NEGR1: variants seen among roughly 807,000 people sequenced by gnomAD.
NEGR1 encodes neuronal growth regulator 1.
NEGR1 carries 10 observed loss-of-function variants against 40.9 expected under a neutral mutation model. The observed-to-expected ratio is 0.24, with a 90% CI of 0.15 to 0.42. The LOEUF (loss-of-function observed/expected upper bound fraction) is 0.42. Among genes scored for constraint, NEGR1 ranks in the 10% least tolerant of loss-of-function variants. The probability of loss-of-function intolerance (pLI) is 1.00; values close to 1 mark genes in which losing one functional copy is unlikely to be tolerated. For missense variants in NEGR1, 352 were observed against 438.9 expected, an observed-to-expected ratio of 0.80 and a Z score of 1.77; for synonymous variants, 185 against 166.8, an observed-to-expected ratio of 1.11 and a Z score of -0.84.
chr1:72,030,327 C>T (rs1430888983), intron 1 of NEGR1, among the ~76,000 whole-genome samples: 1 of 152,020 alleles, frequency 6.6e-6, no homozygotes, highest in African/African-American at 2.4e-5. Flanking sequence ...GTGCCTCAGC[C>T]TCTGGAGTAG....
At chr1:72,136,333 C>T (rs2100325366) in intron 1 of NEGR1, among the ~76,000 whole-genome samples, 1 of 152,072 alleles carries the variant, frequency 6.6e-6, no homozygotes, top group East Asian at 1.9e-4. Flanking sequence ...ATAAGATTAG[C>T]AGTCGATTGC....
At chr1:71,586,191 G>A (rs879845812) in intron 6 of NEGR1, among the ~76,000 whole-genome samples, 5 of 152,164 alleles carry the variant, frequency 3.3e-5, no homozygotes, top group South Asian at 4.1e-4. Flanking sequence ...TAGTAAAAAC[G>A]AAATTCTAGC....
intron 2 of NEGR1, among the ~76,000 whole-genome samples, chr1:71,873,610 T>A (rs575380162): frequency 8.1e-4 from 123 of 152,278 alleles, no homozygotes; most frequent in African/African-American, 2.9e-3. Flanking sequence ...TATGTGCAAA[T>A]ATGCTAGAAT....
chr1:72,046,800 C>T (rs983789627), intron 1 of NEGR1, among the ~76,000 whole-genome samples: 7 of 151,436 alleles, frequency 4.6e-5, no homozygotes, highest in African/African-American at 1.7e-4. Context: ...ATTCAAAGTA[C>T]GTAAATTTGT....
chr1:72,120,954 T>G (rs908951411), intron 1 of NEGR1, among the ~76,000 whole-genome samples: 4 of 152,002 alleles, frequency 2.6e-5, no homozygotes, highest in African/African-American at 9.7e-5. Flanking sequence ...GTGCCAACAC[T>G]CAGTAAGACA....
chr1:72,096,392 T>C (rs558293401), intron 1 of NEGR1, among the ~76,000 whole-genome samples: 37 of 152,234 alleles, frequency 2.4e-4, no homozygotes, highest in African/African-American at 7.9e-4. Context: ...GATAATTCAG[T>C]GAAATTTGGT....
chr1:71,797,655 A>C, intron 2 of NEGR1, among the ~76,000 whole-genome samples: 1 of 152,180 alleles, frequency 6.6e-6, no homozygotes, highest in Non-Finnish European at 1.5e-5. Context: ...TAGAACTAAC[A>C]TTAAATGCTG....
intron 2 of NEGR1, among the ~76,000 whole-genome samples, chr1:71,806,935 C>G (rs1657798331): frequency 6.7e-6 from 1 of 149,292 alleles, no homozygotes; most frequent in African/African-American, 2.5e-5. Flanking sequence ...CTCTCTTGCC[C>G]AGGCTGGAGT....
intron 3 of NEGR1, among the ~76,000 whole-genome samples, chr1:71,744,420 C>T (rs887536475): frequency 2.7e-5 from 4 of 150,878 alleles, no homozygotes; most frequent in Non-Finnish European, 5.9e-5. Flanking sequence ...CATAATATAT[C>T]CATATTTACA....
intron 4 of NEGR1, among the ~76,000 whole-genome samples, chr1:71,685,157 C>G (rs1423650419): frequency 6.6e-6 from 1 of 151,910 alleles, no homozygotes; most frequent in African/African-American, 2.4e-5. Context: ...GCTTTTTGTG[C>G]GTGTTTCAAT....
intron 1 of NEGR1, among the ~76,000 whole-genome samples, chr1:72,221,146 T>C (rs1653999776): frequency 6.6e-6 from 1 of 152,148 alleles, no homozygotes; most frequent in South Asian, 2.1e-4. Flanking sequence ...TTCCTTGGCC[T>C]ACAGCTATAA....
At chr1:72,187,016 T>G (rs1227317043) in intron 1 of NEGR1, among the ~76,000 whole-genome samples, 3 of 151,620 alleles carry the variant, frequency 2.0e-5, no homozygotes, top group African/African-American at 7.2e-5. Context: ...ATTTTCTTTT[T>G]TTCCTTTGCT....
intron 3 of NEGR1, among the ~76,000 whole-genome samples, chr1:71,738,717 C>G (rs575311965): frequency 6.6e-6 from 1 of 152,070 alleles, no homozygotes; most frequent in Non-Finnish European, 1.5e-5. Context: ...GAACACAGCT[C>G]TCTGCTGGCT....
chr1:71,914,755 ATC>A (rs1256109332), intron 2 of NEGR1, among the ~76,000 whole-genome samples: 2 of 152,052 alleles, frequency 1.3e-5, no homozygotes, highest in African/African-American at 4.8e-5. Flanking sequence ...TCATGTAGTA[ATC>A]TCTCTCACTG....
At chr1:72,200,540 A>G (rs1158288293) in intron 1 of NEGR1, among the ~76,000 whole-genome samples, 1 of 151,954 alleles carries the variant, frequency 6.6e-6, no homozygotes, top group Non-Finnish European at 1.5e-5. Flanking sequence ...CGTATTGAGC[A>G]CTATGCTCAC....
At chr1:71,827,502 C>A (rs1296735955) in intron 2 of NEGR1, among the ~76,000 whole-genome samples, 1 of 151,774 alleles carries the variant, frequency 6.6e-6, no homozygotes, top group East Asian at 1.9e-4. Flanking sequence ...CAGTTTGTGA[C>A]TCACTGTTTT....
intron 2 of NEGR1, among the ~76,000 whole-genome samples, chr1:71,884,583 C>T (rs527686788): frequency 1.3e-5 from 2 of 152,142 alleles, no homozygotes; most frequent in South Asian, 2.1e-4. Flanking sequence ...TCATATGCAC[C>T]TTTATTCCCA....
chr1:72,078,888 C>A (rs566401945), intron 1 of NEGR1, among the ~76,000 whole-genome samples: 1 of 150,712 alleles, frequency 6.6e-6, no homozygotes, highest in Non-Finnish European at 1.5e-5. Context: ...GACCTGTCCA[C>A]CTCGGCCTCC....
intron 4 of NEGR1, among the ~76,000 whole-genome samples, chr1:71,637,892 T>C (rs1244210728): frequency 3.3e-5 from 5 of 152,008 alleles, no homozygotes; most frequent in African/African-American, 4.8e-5. Flanking sequence ...CCAGCAATGA[T>C]AATTAATCTA....
Sources: gnomAD v4.1 joint callset for allele counts (sites outside exome capture counted in the v4.1 genomes callset) on GRCh38, gnomAD v4.1.1 for gene constraint, MANE v1.5 for transcripts, NCBI Gene and HGNC (gene_info 2026-07-23, HGNC 2026-07-21) for gene names.